MKI67: variants seen among roughly 807,000 people sequenced by gnomAD.
MKI67 encodes the protein proliferation marker protein Ki-67.
MKI67 carries 152 observed loss-of-function variants against 233.5 expected under a neutral mutation model. The observed-to-expected ratio is 0.65, with a 90% CI of 0.57 to 0.74. The LOEUF (loss-of-function observed/expected upper bound fraction) is 0.74, where lower values mean the gene tolerates loss of function less well. Ranked by LOEUF, MKI67 falls within the 30% of genes least tolerant of loss-of-function variation. The pLI is 0.00. For missense variants in MKI67, 3,940 were observed against 3,885.2 expected (o/e 1.01, Z -0.37); for synonymous variants, 1,465 against 1,418.5 (o/e 1.03, Z -0.74).
Position 128,106,705 on chromosome 10 carries a change from C to G in MKI67, c.5135G>C (p.Gly1712Ala), listed in dbSNP as rs1852507264. ...GKSEVPEDLA[G>A]FIELFQTPSH... ...TGGTGTCTGGAAGAGCTCGATGAAG[C>G]CGGCCAGGTCTTCAGGGACTTCAGA... Residue 1712 changes from glycine to alanine, a missense_variant, in exon 13 of 15, where the codon GGC becomes GCC. Transcript: ENST00000368654. 6.2e-7 allele frequency: 1 copy of G among 1,614,052 alleles called. No individual in the cohort carries two copies. The highest frequency in any genetic ancestry group is 8.5e-7 in the Non-Finnish European group (1 of 1,180,020).
chr10:128,113,566 A>T lies in MKI67; in HGVS notation c.1517T>A (p.Val506Glu). ...SEGIPLKRRR[V>E]SFGGHLRPEL... is the part of the protein sequence containing the mutation. ...AGGTCTTAGGTGCCCACCAAAGGACACACGCCTTCTTTTCAAAGGTATTCC... is the reference window on the plus strand; with the variant it reads ...AGGTCTTAGGTGCCCACCAAAGGACTCACGCCTTCTTTTCAAAGGTATTCC... The change falls in exon 8 of 15, where the codon GTG becomes GAG. Residue 506 changes from valine to glutamate, a missense_variant. Physicochemically the swap from Val to Glu is moderately radical, Grantham distance 121. Coordinates refer to ENST00000368654, the MANE Select transcript of MKI67 (RefSeq NM_002417.5). The T allele has an allele frequency of 6.2e-7, 1 of 1,614,214 alleles. No homozygotes were observed. The highest frequency in any genetic ancestry group is 1.7e-5 in the Admixed American group (1 of 60,022).
chr10:128,103,169 G>T lies in MKI67; in HGVS notation c.8671C>A (p.Arg2891=). ...ATTACATCTTCTGCGTCCAGCTTCC[G>T]CTTTGCAGGTTGCTTAAATGCTTTC... ...GTKAFKQPAK[R]KLDAEDVIGS... The change falls in exon 13 of 15, where the codon CGG becomes AGG. Residue 2891 remains arginine, a synonymous_variant. Transcript: ENST00000368654. 6.2e-7 allele frequency: 1 copy of T among 1,612,070 alleles called. No homozygotes were observed. Among genetic ancestry groups the T allele is most frequent in the Non-Finnish European group, 8.5e-7 (1 of 1,179,484 alleles).
chr10:128,121,601 A>AACAT (rs1554959789), intron 4 of MKI67, among the ~76,000 whole-genome samples: 1 of 139,026 alleles, frequency 7.2e-6, no homozygotes, highest in Non-Finnish European at 1.5e-5. Context: ...TGATATATAT[A>AACAT]ATAATTATAT....
rs758767219 is a variant in MKI67, at chr10:128,109,081, C to T, written c.2759G>A (p.Gly920Glu). 3.1e-6 allele frequency: 5 copies of T among 1,614,168 alleles called. No homozygotes were observed. The highest frequency in any genetic ancestry group is 1.6e-4 in the Middle Eastern group (1 of 6,062). ...AGGTCTTTCTATTTCCTTCATCTCT[C>T]CTTCTCTCCTTTGTTGTAGTAGTGT... ...KATLLQQRRE[G>E]EMKEIERPFE... is the part of the protein sequence containing the mutation. Residue 920 changes from glycine to glutamate, a missense_variant, in exon 13 of 15, where the codon GGA becomes GAA. Coordinates refer to ENST00000368654, the MANE Select transcript of MKI67 (RefSeq NM_002417.5).
Position 128,107,222 on chromosome 10 carries a change from T to C in MKI67, c.4618A>G (p.Thr1540Ala), listed in dbSNP as rs1852523919. ...TCACCACTTACTGCTGGTTTGGGTG[T>C]GTGCATGGCTTTGCCTGCTGATGGT... is the stretch of plus-strand genomic sequence containing the variant. ...RTPSAGKAMH[T>A]PKPAVSGEKN... The change falls in exon 13 of 15, where the codon ACA (threonine) becomes GCA (alanine). Residue 1540 changes from threonine (T) to alanine (A), a missense_variant. Thr to Ala is a moderately conservative substitution (Grantham distance 58). Transcript: ENST00000368654. 1 of 1,614,194 alleles carries C rather than the reference T, an allele frequency of 6.2e-7. No individual in the cohort carries two copies. The highest frequency in any genetic ancestry group is 1.7e-5 in the Admixed American group (1 of 60,030).
At position 128,098,979 on chromosome 10, in the gene MKI67, C is replaced by G. The variant is rs781384568; in HGVS notation, c.*211G>C. Reference sequence around the variant, plus strand: ...TTGGCCCAGACTCCTTCACAAAGCCCCCGGTGTTCAACTATTCTCAGTCCA... The same window carrying G: ...TTGGCCCAGACTCCTTCACAAAGCCGCCGGTGTTCAACTATTCTCAGTCCA... On this transcript the variant is annotated 3_prime_UTR_variant, in exon 15 of 15. Transcript: ENST00000368654. 4.7e-6 allele frequency: 2 copies of G among 421,944 alleles called. No individual in the cohort carries two copies. The highest frequency in any genetic ancestry group is 8.4e-6 in the Non-Finnish European group (2 of 237,352). The allele number at this position is 421,944 out of a possible 1,614,324, so 26.1% of individuals were successfully genotyped here.
At position 128,125,581 on chromosome 10, in the gene MKI67, A is replaced by C. The variant is rs1480455657; in HGVS notation, c.87T>G (p.Phe29Leu). 6.2e-7 allele frequency: 1 copy of C among 1,612,738 alleles called. No individual in the cohort carries two copies. Among genetic ancestry groups the C allele is most frequent in the Non-Finnish European group, 8.5e-7 (1 of 1,179,478 alleles). The change falls in exon 2 of 15, where the codon TTT (phenylalanine) becomes TTG (leucine). Residue 29 changes from phenylalanine to leucine, a missense_variant. By Grantham distance (22) the Phe-to-Leu change is conservative (BLOSUM62 0). Transcript: ENST00000368654. The surrounding 1 kb of genome is among the most constrained non-coding windows in gnomAD (Gnocchi z 5.3). ...HFPLSLSTCL[F>L]GRGIECDIRI... ...CGCGCGCCCGCGGGGCTCACCTTCC[A>C]AACAAGCAGGTGCTGAGGCTCAGGG...
chr10:128,109,437 A>G lies in MKI67; in HGVS notation c.2417-14T>C. On this transcript the variant is annotated splice_polypyrimidine_tract_variant and intron_variant, in intron 12 of 14. Coordinates refer to ENST00000368654, the MANE Select transcript of MKI67 (RefSeq NM_002417.5). ...ACACATTTCCTCCTGAAATAAAAAC[A>G]TACACAATAAAAACATTCTATTAGT... The G allele has an allele frequency of 6.3e-7, 1 of 1,596,652 alleles. No homozygotes were observed.
Position 128,104,994 on chromosome 10 carries a change from A to G in MKI67, c.6846T>C (p.Phe2282=). The stretch of plus-strand genomic sequence containing the variant: ...CCAATTTCTGCACTGGAGTTCCCAT[A>G]AATGCTTTCATGTCTTTCTCATCAC... ...AGGDEKDMKA[F]MGTPVQKLDL... Residue 2282 remains phenylalanine, a synonymous_variant, in exon 13 of 15, where the codon TTT becomes TTC. Transcript: ENST00000368654. 1 of 1,612,082 alleles carries G rather than the reference A, an allele frequency of 6.2e-7. No homozygotes were observed. Among genetic ancestry groups the G allele is most frequent in the Non-Finnish European group, 8.5e-7 (1 of 1,179,652 alleles).
intron 5 of MKI67, among the ~76,000 whole-genome samples, chr10:128,119,010 C>T (rs1852869788): frequency 6.6e-6 from 1 of 152,126 alleles, no homozygotes; most frequent in Non-Finnish European, 1.5e-5. Context: ...CTCTAATAGA[C>T]TTTTTGGCTA....
chr10:128,108,543 T>C lies in MKI67; in HGVS notation c.3297A>G (p.Leu1099=). 2 of 1,614,192 alleles carry C rather than the reference T, an allele frequency of 1.2e-6. No homozygotes were observed. The highest frequency in any genetic ancestry group is 8.5e-7 in the Non-Finnish European group (1 of 1,180,024). ...PRTPKEEAQS[L]EDLAGFKELF... ...GCTCTTTGAAGCCAGCCAGGTCTTC[T>C]AGTGACTGGGCCTCTTCCTTAGGCG... is the stretch of plus-strand genomic sequence containing the variant. The change falls in exon 13 of 15, where the codon CTA becomes CTG. Residue 1099 remains leucine, a synonymous_variant. Transcript: ENST00000368654.
rs750479588 is a variant in MKI67, at chr10:128,122,927, G to T, written c.241C>A (p.Arg81=). 5.0e-6 allele frequency: 8 copies of T among 1,603,764 alleles called. No individual in the cohort carries two copies. Among genetic ancestry groups the T allele is most frequent in the Admixed American group, 1.7e-5 (1 of 59,490 alleles). ...VNGSVIDEPV[R]LKHGDVITII... ...GTTATTACATCTCCATGTTTTAGCC[G>T]TACAGGCTCATCAATAACAGACCCA... The change falls in exon 4 of 15, where the codon CGG becomes AGG. Residue 81 remains arginine (R), a synonymous_variant. Coordinates refer to ENST00000368654, the MANE Select transcript of MKI67 (RefSeq NM_002417.5).
intron 8 of MKI67, among the ~76,000 whole-genome samples, chr10:128,113,213 G>A (rs376584354): frequency 6.0e-5 from 9 of 150,768 alleles, no homozygotes; most frequent in African/African-American, 1.2e-4. Context: ...GGACTCCCCC[G>A]ACTCGGTCGC....
At position 128,103,694 on chromosome 10, in the gene MKI67, T is replaced by C. The variant is rs1226558958; in HGVS notation, c.8146A>G (p.Thr2716Ala). ...CESPPLEVVD[T>A]TASTKRHLRT... ...AGATGCCTCTTTGTGCTTGCTGTGG[T>C]GTCTACCACTTCTAGTGGGGGAGAT... is the stretch of plus-strand genomic sequence containing the variant. The change falls in exon 13 of 15, where the codon ACC (threonine) becomes GCC (alanine). Residue 2716 changes from threonine to alanine, a missense_variant. Physicochemically the swap from Thr to Ala is moderately conservative, Grantham distance 58. Coordinates refer to ENST00000368654, the MANE Select transcript of MKI67 (RefSeq NM_002417.5). 1.9e-6 allele frequency: 3 copies of C among 1,614,164 alleles called. No individual in the cohort carries two copies. The highest frequency in any genetic ancestry group is 2.5e-6 in the Non-Finnish European group (3 of 1,180,030).
Position 128,114,990 on chromosome 10 carries a change from T to G in MKI67, c.1418A>C (p.Gln473Pro). Reference sequence around the variant, plus strand: ...AAGACCAGGTAACCCAGAGCACATCTGTCCAGCTGTAGTGCCCAATTTCTC... The same window carrying G: ...AAGACCAGGTAACCCAGAGCACATCGGTCCAGCTGTAGTGCCCAATTTCTC... Reference protein sequence around the residue: ...KPEKLGTTAGQMCSGLPGLSS... With the variant: ...KPEKLGTTAGPMCSGLPGLSS... Residue 473 changes from glutamine to proline, a missense_variant, in exon 7 of 15, where the codon CAG becomes CCG. Coordinates refer to ENST00000368654, the MANE Select transcript of MKI67 (RefSeq NM_002417.5). 1 of 1,604,476 alleles carries G rather than the reference T, an allele frequency of 6.2e-7. No individual in the cohort carries two copies.
intron 12 of MKI67, 69 bp downstream of exon 12, chr10:128,110,309 C>T (rs1183044120): frequency 3.2e-6 from 4 of 1,255,010 alleles, no homozygotes; most frequent in Non-Finnish European, 2.1e-6. Context: ...TATCATACTG[C>T]TTGTAAAAAA....
Position 128,109,120 on chromosome 10 carries a change from C to T in MKI67, c.2720G>A (p.Arg907Lys), listed in dbSNP as rs200957288. ...NTEIVECILK[R>K]GQKATLLQQR... ...TTGTAGTAGTGTTGCCTTCTGACCTCTTTTTAGGATGCACTCAACAATTTC... is the reference window on the plus strand; with the variant it reads ...TTGTAGTAGTGTTGCCTTCTGACCTTTTTTTAGGATGCACTCAACAATTTC... The change falls in exon 13 of 15, where the codon AGA (arginine) becomes AAA (lysine). Residue 907 changes from arginine (R) to lysine (K), a missense_variant. By Grantham distance (26) the Arg-to-Lys change is conservative (BLOSUM62 2). Coordinates refer to ENST00000368654, the MANE Select transcript of MKI67 (RefSeq NM_002417.5). 13 of 1,614,176 alleles carry T rather than the reference C, an allele frequency of 8.1e-6. No homozygotes were observed. The East Asian group carries it at 2.9e-4, about 36-fold the overall frequency.
chr10:128,122,064 C>T (rs1852960553), intron 4 of MKI67, among the ~76,000 whole-genome samples: 1 of 152,170 alleles, frequency 6.6e-6, no homozygotes, highest in Non-Finnish European at 1.5e-5. Context: ...TAGACAACAG[C>T]ATTTTTAAAA....
In MKI67 at chr10:128,102,763, G is replaced by C. The variant is rs2136125671; in HGVS notation, c.9077C>G (p.Pro3026Arg). ...AGCAACCCTCTGCTTCTTGCTGGCT[G>C]GCAGCTCCTCCACAATTTCCTCTGG... is the stretch of plus-strand genomic sequence containing the variant. ...PAPEEIVEEL[P>R]ASKKQRVAPR... The change falls in exon 13 of 15, where the codon CCA (proline) becomes CGA (arginine). Residue 3026 changes from proline (P) to arginine (R), a missense_variant. Pro to Arg is a moderately radical substitution (Grantham distance 103). Coordinates refer to ENST00000368654, the MANE Select transcript of MKI67 (RefSeq NM_002417.5). 3 of 1,614,202 alleles carry C rather than the reference G, an allele frequency of 1.9e-6. No homozygotes were observed. Among genetic ancestry groups the C allele is most frequent in the African/African-American group, 1.3e-5 (1 of 75,052 alleles).
Sources: allele counts gnomAD v4.1 joint callset (sites outside exome capture counted in the v4.1 genomes callset), GRCh38; gene constraint gnomAD v4.1.1; non-coding constraint Gnocchi (gnomAD v3.1); transcripts MANE v1.5; gene names NCBI Gene and HGNC (gene_info 2026-07-23, HGNC 2026-07-21).